COL4A6: variants seen among roughly 807,000 people sequenced by gnomAD.
The protein encoded by COL4A6 is collagen type IV alpha 6 chain, also known as collagen alpha-6(IV) chain.
COL4A6 carries 59 observed loss-of-function variants against 126.7 expected under a neutral mutation model. The ratio of observed to expected loss-of-function variants is 0.47; its 90% CI spans 0.38 to 0.58. COL4A6 has a LOEUF of 0.58. COL4A6 is among the 20% of genes least tolerant of loss of function. The pLI is 0.00. For synonymous variants in COL4A6, 547 were observed against 496.6 expected (o/e 1.10, Z -1.35); for missense variants, 1,285 against 1,337.3 (o/e 0.96, Z 0.61).
At chrX:108,261,147 T>C (rs1217790548) in intron 3 of COL4A6, among the ~76,000 whole-genome samples, 2 of 111,620 alleles carry the variant, frequency 1.8e-5, no homozygotes, top group Non-Finnish European at 3.8e-5. Flanking sequence ...CCCTATATGG[T>C]AGCCACTAGT....
chrX:108,157,648 C>T (rs2033784110), intron 44 of COL4A6, among the ~76,000 whole-genome samples: 1 of 111,806 alleles, frequency 8.9e-6, no homozygotes, highest in South Asian at 3.8e-4. Context: ...AAGGAAAATT[C>T]AATAGGCTTC....
rs925047349 is a variant in COL4A6, at chrX:108,407,485, A to G, written c.63+30457T>C. ...GCTTCTTTAAAATCTATAGACATGAACCTGAATATAATCTAAGAAATATTT... is the reference window on the plus strand; with the variant it reads ...GCTTCTTTAAAATCTATAGACATGAGCCTGAATATAATCTAAGAAATATTT... On this transcript the variant is annotated intron_variant, in intron 2 of 44. Transcript: ENST00000334504. 4.4e-5 allele frequency among the ~76,000 whole-genome samples: 5 copies of G among 112,372 alleles called. No individual in the cohort carries two copies. The East Asian group carries it at 1.4e-3, about 31-fold the overall frequency.
intron 2 of COL4A6, among the ~76,000 whole-genome samples, chrX:108,406,124 T>G (rs1307704572): frequency 9.0e-6 from 1 of 111,101 alleles, no homozygotes; most frequent in Admixed American, 9.6e-5. Flanking sequence ...CATGCCACAA[T>G]GCCTGGCTAA....
At chrX:108,400,508 T>C (rs1437468083) in intron 2 of COL4A6, among the ~76,000 whole-genome samples, 1 of 111,471 alleles carries the variant, frequency 9.0e-6, no homozygotes, top group Non-Finnish European at 1.9e-5. Flanking sequence ...CTATCTAGGG[T>C]CCAAATACAG....
At chrX:108,277,084 G>A (rs969465355) in intron 3 of COL4A6, among the ~76,000 whole-genome samples, 8 of 111,972 alleles carry the variant, frequency 7.1e-5, no homozygotes, top group Non-Finnish European at 7.5e-5. Flanking sequence ...GCAGAAGACG[G>A]GTGATTTCTG....
intron 41 of COL4A6, among the ~76,000 whole-genome samples, chrX:108,162,446 CGAAGAAGAAAAGAA>C (rs1293317107): frequency 4.5e-5 from 4 of 87,950 alleles, no homozygotes; most frequent in Non-Finnish European, 9.5e-5. Flanking sequence ...AAGAGGAAGA[CGAAGAAGAAAAGAA>C]GAAGAAGAAG....
Position 108,208,730 on chromosome X carries a change from C to T in COL4A6, c.546+1239G>A, listed in dbSNP as rs746962620. Among the ~76,000 whole-genome samples, 9 of 111,538 alleles carry T rather than the reference C, an allele frequency of 8.1e-5. No individual in the cohort carries two copies. The South Asian group carries it at 3.4e-3, about 43-fold the overall frequency. ...ATTTCCAATTGTGGAGCAGGAATAACTTGACATGGGCCTGGATAAGGGGCG... is the reference window on the plus strand; with the variant it reads ...ATTTCCAATTGTGGAGCAGGAATAATTTGACATGGGCCTGGATAAGGGGCG... On this transcript the variant is annotated intron_variant, in intron 8 of 44. Transcript: ENST00000334504.
intron 2 of COL4A6, among the ~76,000 whole-genome samples, chrX:108,412,221 A>G (rs1386036988): frequency 8.9e-6 from 1 of 112,297 alleles, no homozygotes; most frequent in East Asian, 2.8e-4. Flanking sequence ...TAGCTTTCCA[A>G]AAACAAGTAT....
At chrX:108,383,701 A>G (rs2040615894) in intron 2 of COL4A6, 1 of 505,238 alleles carries the variant, frequency 2.0e-6, no homozygotes, top group Admixed American at 2.9e-5. Context: ...AGAGAGTGGT[A>G]ACTTTACTAG....
intron 25 of COL4A6, 78 bp from the exon 26 acceptor site, chrX:108,179,516 T>C: frequency 1.3e-6 from 1 of 772,090 alleles, no homozygotes; most frequent in South Asian, 2.7e-5. Context: ...CTGAGACAGA[T>C]TTTTCTAATA....
intron 3 of COL4A6, among the ~76,000 whole-genome samples, chrX:108,285,332 A>G (rs1054683617): frequency 4.5e-5 from 5 of 112,231 alleles, no homozygotes; most frequent in African/African-American, 1.6e-4. Flanking sequence ...AGTTGGCTAT[A>G]CTAAAACCCC....
intron 14 of COL4A6, 68 bp downstream of exon 14, chrX:108,196,443 A>C (rs2035216998): frequency 9.7e-7 from 1 of 1,033,075 alleles, no homozygotes. Flanking sequence ...AACATAAAGA[A>C]GCAAACAGGA....
At chrX:108,404,060 C>T (rs1240962129) in intron 2 of COL4A6, among the ~76,000 whole-genome samples, 1 of 111,123 alleles carries the variant, frequency 9.0e-6, no homozygotes, top group African/African-American at 3.3e-5. Flanking sequence ...AGCAGAACTG[C>T]TATAGGCTTT....
At chrX:108,382,607 A>C (rs1219377357) in intron 2 of COL4A6, among the ~76,000 whole-genome samples, 2 of 110,650 alleles carry the variant, frequency 1.8e-5, no homozygotes. Context: ...ATCCCCAAAC[A>C]ACAACCAAGA....
intron 3 of COL4A6, among the ~76,000 whole-genome samples, chrX:108,281,547 C>T (rs1266611164): frequency 2.7e-5 from 3 of 110,857 alleles, no homozygotes; most frequent in Non-Finnish European, 5.7e-5. Context: ...GAAGAATCAA[C>T]ATCGTGAAAA....
chrX:108,256,372 A>T (rs1163027395), intron 3 of COL4A6, among the ~76,000 whole-genome samples: 4 of 112,250 alleles, frequency 3.6e-5, no homozygotes, highest in African/African-American at 1.3e-4. Context: ...AATAATAACT[A>T]ACACTTTACA....
chrX:108,240,404 T>C (rs764954122), intron 3 of COL4A6, among the ~76,000 whole-genome samples: 1 of 112,531 alleles, frequency 8.9e-6, no homozygotes, highest in African/African-American at 3.2e-5. Context: ...AATTTAAAAT[T>C]TTTATCTATA....
At chrX:108,386,564 GT>G (rs774506365) in intron 2 of COL4A6, among the ~76,000 whole-genome samples, 20 of 109,644 alleles carry the variant, frequency 1.8e-4, no homozygotes, top group Non-Finnish European at 3.4e-4. Flanking sequence ...GTTTTGATGG[GT>G]TTTTTTTTCT....
intron 2 of COL4A6, among the ~76,000 whole-genome samples, chrX:108,330,283 T>C (rs1034038245): frequency 9.0e-6 from 1 of 111,263 alleles, no homozygotes; most frequent in African/African-American, 3.3e-5. Context: ...ACACATTCAA[T>C]TAAATTCTAT....
Sources: gnomAD v4.1 joint callset for allele counts (sites outside exome capture counted in the v4.1 genomes callset) on GRCh38, gnomAD v4.1.1 for gene constraint, MANE v1.5 for transcripts, NCBI Gene and HGNC (gene_info 2026-07-23, HGNC 2026-07-21) for gene names.